Variants in GGA2 observed in about 807,000 individuals in gnomAD.
GGA2 encodes the protein golgi associated, gamma adaptin ear containing, ARF binding protein 2.
In GGA2, 48 loss-of-function variants were observed where a neutral mutation model predicts 79.5. The ratio of observed to expected loss-of-function variants is 0.60; its 90% CI spans 0.48 to 0.77. The LOEUF (loss-of-function observed/expected upper bound fraction) is 0.77, where lower values mean the gene tolerates loss of function less well. Ranked by LOEUF, GGA2 falls within the 30% of genes least tolerant of loss-of-function variation. GGA2 has a pLI of 0.00. For missense variants in GGA2, 770 were observed against 774.0 expected (o/e 0.99, Z 0.06); for synonymous variants, 317 against 302.0 (o/e 1.05, Z -0.51).
At chr16:23,515,275 A>G (rs1965096760), upstream of GGA2, among the ~76,000 whole-genome samples, 1 of 151,960 alleles carries the variant, frequency 6.6e-6, no homozygotes, top group Non-Finnish European at 1.5e-5. Context: ...CCTGGGCAAC[A>G]TAATGACAAC....
At chr16:23,482,340 G>T (rs1964658281) in intron 9 of GGA2, among the ~76,000 whole-genome samples, 1 of 152,032 alleles carries the variant, frequency 6.6e-6, no homozygotes, top group Non-Finnish European at 1.5e-5. Flanking sequence ...ACAAAGAGAG[G>T]TACAGATGAA....
At chr16:23,479,308 C>A (rs1198142193) in intron 11 of GGA2, among the ~76,000 whole-genome samples, 1 of 150,342 alleles carries the variant, frequency 6.7e-6, no homozygotes, top group African/African-American at 2.4e-5. Flanking sequence ...CAGAACCCTG[C>A]TGATTCTCTC....
intron 2 of GGA2, among the ~76,000 whole-genome samples, chr16:23,516,174 A>AT (rs141853514): frequency 2.7e-5 from 4 of 150,764 alleles, no homozygotes; most frequent in Non-Finnish European, 4.4e-5. Flanking sequence ...TGCCCGGCCA[A>AT]TTTTTTTTTC....
chr16:23,502,992 G>C (rs1268668122), intron 1 of GGA2, among the ~76,000 whole-genome samples: 1 of 152,206 alleles, frequency 6.6e-6, no homozygotes, highest in Non-Finnish European at 1.5e-5. Context: ...CATGATCTCT[G>C]CTGTCTTTTG....
In GGA2 at chr16:23,465,164, A is replaced by G. The variant is rs1000687827; in HGVS notation, c.*2426T>C. 4.7e-5 allele frequency: 28 copies of G among 595,242 alleles called. No homozygotes were observed. The African/African-American group carries it at 5.0e-4, about 11-fold the overall frequency. The allele number at this position is 595,242 out of a possible 1,614,324, so 36.9% of individuals were successfully genotyped here. A position where few individuals can be genotyped will look rare whatever the true frequency, so the allele number is the denominator to read the frequency against. On this transcript the variant is annotated 3_prime_UTR_variant, in exon 17 of 17. Coordinates refer to ENST00000309859, the MANE Select transcript of GGA2 (RefSeq NM_015044.4). ...AGCTGGTCAACAACTAGCTTTTAAA[A>G]AAACAGAGACACGGTCTCACTATGT...
intron 5 of GGA2, among the ~76,000 whole-genome samples, chr16:23,490,216 A>G (rs1413310100): frequency 6.6e-6 from 1 of 152,192 alleles, no homozygotes; most frequent in African/African-American, 2.4e-5. Flanking sequence ...AGCTAACACT[A>G]GAGGAATCTG....
At chr16:23,492,675 T>C (rs1052278267) in intron 4 of GGA2, among the ~76,000 whole-genome samples, 15 of 152,260 alleles carry the variant, frequency 9.9e-5, no homozygotes, top group Admixed American at 3.9e-4. Context: ...ATAGAAAGTA[T>C]AGTGCTTTCC....
At chr16:23,488,578 C>T (rs753367548) in intron 6 of GGA2, 28 bp downstream of exon 6, 2 of 1,275,326 alleles carry the variant, frequency 1.6e-6, no homozygotes, top group East Asian at 2.3e-5. Flanking sequence ...AAGGTCTGAT[C>T]AGACACCATG....
Position 23,478,442 on chromosome 16 carries a change from G to C in GGA2, c.1218C>G (p.Gly406=). The change falls in exon 13 of 17, where the codon GGC becomes GGG. Residue 406 remains glycine (G), a synonymous_variant. Coordinates refer to ENST00000309859, the MANE Select transcript of GGA2 (RefSeq NM_015044.4). ...KRNPSSSTLP[G]GGVQNPSADR... ...CTGCAGAAGGGTTCTGAACACCACC[G>C]CCTGGCAGCGTGCTGGAGGAGGGAT... 2 of 1,611,266 alleles carry C rather than the reference G, an allele frequency of 1.2e-6. No homozygotes were observed. Among genetic ancestry groups the C allele is most frequent in the Non-Finnish European group, 1.7e-6 (2 of 1,177,886 alleles).
At chr16:23,483,086 A>G (rs1034327486) in intron 8 of GGA2, 82 bp from the exon 9 acceptor site, 3 of 839,406 alleles carry the variant, frequency 3.6e-6, no homozygotes, top group African/African-American at 3.3e-5. Context: ...GCCTTCGATC[A>G]GGCAGACGGC....
At chr16:23,495,888 C>G in intron 1 of GGA2, 110 bp from the exon 2 acceptor site, 1 of 629,886 alleles carries the variant, frequency 1.6e-6, no homozygotes, top group Non-Finnish European at 2.8e-6. Flanking sequence ...CAGGATCAGA[C>G]CAGTGGGCAG....
chr16:23,521,858 C>T, exon 1 of GGA2: 1 of 456,052 alleles, frequency 2.2e-6, no homozygotes, highest in Non-Finnish European at 4.4e-6. Context: ...GCTCTGACAA[C>T]ACTCAGTAGA....
intron 3 of GGA2, chr16:23,493,970 G>A: frequency 2.7e-6 from 1 of 363,690 alleles, no homozygotes; most frequent in Non-Finnish European, 5.1e-6. Flanking sequence ...ACTCATACCT[G>A]CCAACAGCTA....
rs761229140 is a variant in GGA2, at chr16:23,488,695, C to T, written c.490G>A (p.Asp164Asn). The change falls in exon 6 of 17, where the codon GAC becomes AAC. Residue 164 changes from aspartate (D) to asparagine (N), a missense_variant. By Grantham distance (23) the Asp-to-Asn change is conservative. Transcript: ENST00000309859. The part of the protein sequence containing the change: ...MLKKQGIIKQ[D>N]PKLPVDKILP... ...ATTTTATCCACTGGTAGTTTAGGGTCTTGTTTTATAATTCCTAAAAATGCA... is the reference window on the plus strand; with the variant it reads ...ATTTTATCCACTGGTAGTTTAGGGTTTTGTTTTATAATTCCTAAAAATGCA... 6.3e-7 allele frequency: 1 copy of T among 1,587,848 alleles called. No homozygotes were observed. The highest frequency in any genetic ancestry group is 2.2e-5 in the East Asian group (1 of 44,728).
intron 4 of GGA2, among the ~76,000 whole-genome samples, chr16:23,492,324 C>T (rs572616860): frequency 6.6e-6 from 1 of 152,276 alleles, no homozygotes; most frequent in East Asian, 1.9e-4. Flanking sequence ...GACCGGTGCC[C>T]CCACATCCCC....
intron 4 of GGA2, 56 bp downstream of exon 4, chr16:23,493,304 G>T: frequency 1.9e-6 from 2 of 1,042,398 alleles, no homozygotes; most frequent in Non-Finnish European, 3.0e-6. Context: ...GGAGCCAGGA[G>T]TTTGACAGTG....
At chr16:23,491,553 A>G in intron 5 of GGA2, 124 bp downstream of exon 5, 1 of 590,422 alleles carries the variant, frequency 1.7e-6, no homozygotes. Flanking sequence ...AAAAAACTCT[A>G]CCTCAGTGTC....
At chr16:23,499,138 G>A (rs1204867147) in intron 1 of GGA2, among the ~76,000 whole-genome samples, 1 of 132,374 alleles carries the variant, frequency 7.6e-6, no homozygotes, top group East Asian at 2.2e-4. Flanking sequence ...GCACTGACGG[G>A]CACCACCTTT....
intron 10 of GGA2, chr16:23,480,101 G>A (rs888501171): frequency 3.7e-6 from 2 of 537,100 alleles, no homozygotes; most frequent in Admixed American, 6.4e-5. Context: ...CTACCCCAGG[G>A]ATCATAGGCC....
Sources: allele counts gnomAD v4.1 joint callset (sites outside exome capture counted in the v4.1 genomes callset), GRCh38; gene constraint gnomAD v4.1.1; transcripts MANE v1.5; gene names NCBI Gene and HGNC (gene_info 2026-07-23, HGNC 2026-07-21).